The following NEIL3 variants were observed in gnomAD, a reference collection of about 807,000 sequenced individuals.
NEIL3 encodes the protein endonuclease 8-like 3.
NEIL3 carries 48 observed loss-of-function variants against 57.5 expected under a neutral mutation model. The ratio of observed to expected loss-of-function variants is 0.83; its 90% CI spans 0.66 to 1.06. The LOEUF is 1.06. Among genes scored for constraint, NEIL3 ranks in the 50% least tolerant of loss-of-function variants. The pLI is 0.00. For synonymous variants in NEIL3, 261 were observed against 253.2 expected, an observed-to-expected ratio of 1.03 and a Z score of -0.29; for missense variants, 717 against 739.1, an observed-to-expected ratio of 0.97 and a Z score of 0.35.
chr4:177,358,304 G>GT (rs1487027892), intron 8 of NEIL3, among the ~76,000 whole-genome samples: 3 of 151,148 alleles, frequency 2.0e-5, no homozygotes, highest in African/African-American at 7.3e-5. Context: ...TTTTGTTGTT[G>GT]TTTTTTGTTT....
chr4:177,361,654 CTT>C (rs1484089036), intron 9 of NEIL3, among the ~76,000 whole-genome samples: 3 of 152,144 alleles, frequency 2.0e-5, no homozygotes, highest in Non-Finnish European at 2.9e-5. Context: ...TCATATCTCT[CTT>C]GAGGTCAAAA....
chr4:177,312,287 A>G (rs1161751612), intron 1 of NEIL3, among the ~76,000 whole-genome samples: 2 of 152,160 alleles, frequency 1.3e-5, no homozygotes, highest in African/African-American at 4.8e-5. Flanking sequence ...TTTTTCTTTA[A>G]AACTCCAAAG....
chr4:177,321,458 A>T (rs1734683514), intron 1 of NEIL3, among the ~76,000 whole-genome samples: 1 of 152,026 alleles, frequency 6.6e-6, no homozygotes. Context: ...TATATAAATA[A>T]TAAAAAATAA....
Position 177,362,379 on chromosome 4 carries a change from T to A in NEIL3, c.1726T>A (p.Phe576Ile). 1 of 1,613,814 alleles carries A rather than the reference T, an allele frequency of 6.2e-7. No individual in the cohort carries two copies. Residue 576 changes from phenylalanine to isoleucine, a missense_variant, in exon 10 of 10, where the codon TTT becomes ATT. By Grantham distance (21) the Phe-to-Ile change is conservative. Coordinates refer to ENST00000264596, the MANE Select transcript of NEIL3 (RefSeq NM_018248.3). ...LKIGPNNGKN[F>I]FVCPLGKEKQ... ...GATTGGACCTAACAATGGAAAGAATTTTTTTGTGTGTCCTCTTGGGAAGGA... is the reference window on the plus strand; with the variant it reads ...GATTGGACCTAACAATGGAAAGAATATTTTTGTGTGTCCTCTTGGGAAGGA...
intron 2 of NEIL3, among the ~76,000 whole-genome samples, chr4:177,324,349 TTA>T (rs1235701858): frequency 1.3e-5 from 2 of 152,234 alleles, no homozygotes; most frequent in East Asian, 3.9e-4. Context: ...CCCGCAGAGT[TTA>T]GTCATAAAGT....
chr4:177,318,231 G>T (rs190506764), intron 1 of NEIL3, among the ~76,000 whole-genome samples: 1 of 152,260 alleles, frequency 6.6e-6, no homozygotes, highest in East Asian at 1.9e-4. Context: ...ATTATTAGGA[G>T]TCCTAAGCAT....
chr4:177,363,310 C>T (rs187988934), downstream of NEIL3, among the ~76,000 whole-genome samples: 10 of 152,276 alleles, frequency 6.6e-5, no homozygotes, highest in Non-Finnish European at 1.2e-4. Flanking sequence ...ACCACTTTCC[C>T]GTTCTACCAC....
intron 2 of NEIL3, among the ~76,000 whole-genome samples, 156 bp from the exon 3 acceptor site, chr4:177,335,532 A>G (rs1163847302): frequency 6.6e-6 from 1 of 152,184 alleles, no homozygotes; most frequent in African/African-American, 2.4e-5. Flanking sequence ...AGAGAAAAAT[A>G]TATAATAATC....
At chr4:177,348,953 C>A (rs551880228) in intron 6 of NEIL3, among the ~76,000 whole-genome samples, 1 of 143,034 alleles carries the variant, frequency 7.0e-6, no homozygotes, top group Non-Finnish European at 1.5e-5. Flanking sequence ...CTTCAAGCTC[C>A]GCCTCCCGGG....
intron 6 of NEIL3, among the ~76,000 whole-genome samples, chr4:177,350,521 T>G (rs1357844066): frequency 6.6e-6 from 1 of 152,214 alleles, no homozygotes; most frequent in Non-Finnish European, 1.5e-5. Flanking sequence ...TGAAACAGTC[T>G]TACATGAAGG....
chr4:177,356,749 G>C (rs1444180107), intron 8 of NEIL3, among the ~76,000 whole-genome samples: 2 of 152,104 alleles, frequency 1.3e-5, no homozygotes, highest in African/African-American at 4.8e-5. Flanking sequence ...TTGGTCTTGA[G>C]ATAGATGTGT....
chr4:177,369,583 C>A, the NEIL3 span, among the ~76,000 whole-genome samples: 1 of 152,022 alleles, frequency 6.6e-6, no homozygotes, highest in African/African-American at 2.4e-5. Flanking sequence ...GGAACCCAAA[C>A]AAATGAAAAA....
chr4:177,360,381 C>A (rs928481141), intron 8 of NEIL3, 122 bp from the exon 9 acceptor site: 17 of 603,720 alleles, frequency 2.8e-5, no homozygotes, highest in Admixed American at 9.1e-5. Flanking sequence ...CTAATGTTAA[C>A]GAGGTCCACT....
chr4:177,320,989 A>G (rs1257591409), intron 1 of NEIL3, among the ~76,000 whole-genome samples: 1 of 143,388 alleles, frequency 7.0e-6, no homozygotes, highest in South Asian at 2.2e-4. Context: ...TCTCCCTGTT[A>G]TCTCTCTTTG....
chr4:177,361,271 T>C (rs928706497), intron 9 of NEIL3, among the ~76,000 whole-genome samples: 1 of 152,188 alleles, frequency 6.6e-6, no homozygotes, highest in Non-Finnish European at 1.5e-5. Flanking sequence ...TTAGTCAGTC[T>C]CACTTCCGGT....
Position 177,335,743 on chromosome 4 carries a change from A to G in NEIL3, c.334A>G (p.Lys112Glu), listed in dbSNP as rs202097080. ...GATTAATCCACTTGAGTATAAATAT[A>G]AAAATGGAGCTTCTCCTGTTTTGGA... is the stretch of plus-strand genomic sequence containing the variant. ...IMINPLEYKY[K>E]NGASPVLEVQ... Residue 112 changes from lysine (K) to glutamate (E), a missense_variant, in exon 3 of 10, where the codon AAA becomes GAA. Transcript: ENST00000264596. The G allele has an allele frequency of 1.6e-5, 26 of 1,597,646 alleles. No homozygotes were observed. In the Admixed American group the frequency reaches 1.8e-4, roughly 11 times the overall value.
intron 1 of NEIL3, among the ~76,000 whole-genome samples, chr4:177,314,152 C>T (rs186308924): frequency 2.0e-5 from 3 of 152,190 alleles, no homozygotes; most frequent in Admixed American, 2.0e-4. Context: ...ACTTCCTTAC[C>T]TTCTTAAATG....
At chr4:177,353,171 C>A (rs1735394652) in intron 7 of NEIL3, 137 bp from the exon 8 acceptor site, 2 of 677,412 alleles carry the variant, frequency 3.0e-6, no homozygotes, top group Non-Finnish European at 4.9e-6. Flanking sequence ...TCTGAGCTAA[C>A]TTTGTGTTAT....
At chr4:177,366,699 T>TC (rs751918327), downstream of NEIL3, among the ~76,000 whole-genome samples, 1 of 152,112 alleles carries the variant, frequency 6.6e-6, no homozygotes, top group Non-Finnish European at 1.5e-5. Context: ...GCGCCAGGCC[T>TC]CCAATACTTT....
Sources: allele counts gnomAD v4.1 joint callset (sites outside exome capture counted in the v4.1 genomes callset), GRCh38; gene constraint gnomAD v4.1.1; transcripts MANE v1.5; gene names NCBI Gene and HGNC (gene_info 2026-07-23, HGNC 2026-07-21).